The following PRKG1 variants were observed in gnomAD, a reference collection of about 807,000 sequenced individuals.
PRKG1 encodes the protein protein kinase cGMP-dependent 1.
In PRKG1, 35 loss-of-function variants were observed where a neutral mutation model predicts 88.1. The ratio of observed to expected loss-of-function variants is 0.40; its 90% CI spans 0.30 to 0.53. The LOEUF (loss-of-function observed/expected upper bound fraction) is 0.53, where lower values mean the gene tolerates loss of function less well. Ranked by LOEUF, PRKG1 falls within the 20% of genes least tolerant of loss-of-function variation. The pLI, the probability that PRKG1 is intolerant of heterozygous loss-of-function variation, is 0.59. For missense variants in PRKG1, 540 were observed against 839.8 expected (o/e 0.64, Z 4.41); for synonymous variants, 303 against 292.5 (o/e 1.04, Z -0.37).
chr10:51,108,979 T>C (rs1402027675), intron 1 of PRKG1, among the ~76,000 whole-genome samples: 1 of 152,124 alleles, frequency 6.6e-6, no homozygotes, highest in Non-Finnish European at 1.5e-5. Context: ...AATTGAAATA[T>C]ATCTCTTACA....
intron 7 of PRKG1, among the ~76,000 whole-genome samples, chr10:52,070,816 A>G (rs1393976884): frequency 1.3e-5 from 2 of 152,194 alleles, no homozygotes; most frequent in Non-Finnish European, 2.9e-5. Context: ...CTATTTTATA[A>G]AAGTAATTTT....
intron 3 of PRKG1, among the ~76,000 whole-genome samples, chr10:51,755,377 A>G (rs1271711759): frequency 6.6e-6 from 1 of 152,184 alleles, no homozygotes; most frequent in Non-Finnish European, 1.5e-5. Flanking sequence ...AAATCACTTG[A>G]AGCTGGAATG....
chr10:51,943,101 C>T (rs561277635), intron 5 of PRKG1, among the ~76,000 whole-genome samples: 24 of 152,034 alleles, frequency 1.6e-4, no homozygotes, highest in African/African-American at 5.6e-4. Flanking sequence ...AATGTTCTTC[C>T]ATTTGTTTGT....
intron 13 of PRKG1, among the ~76,000 whole-genome samples, chr10:52,281,889 A>G (rs1842009385): frequency 6.6e-6 from 1 of 152,124 alleles, no homozygotes; most frequent in South Asian, 2.1e-4. Flanking sequence ...AGAAAAAATG[A>G]AAACTATATT....
At chr10:51,674,282 C>T (rs1377689269) in intron 3 of PRKG1, among the ~76,000 whole-genome samples, 1 of 152,028 alleles carries the variant, frequency 6.6e-6, no homozygotes, top group Non-Finnish European at 1.5e-5. Context: ...CACCCATCAA[C>T]CTGTCATGTA....
At chr10:51,417,292 C>G (rs1312249332) in intron 2 of PRKG1, among the ~76,000 whole-genome samples, 1 of 152,168 alleles carries the variant, frequency 6.6e-6, no homozygotes, top group Non-Finnish European at 1.5e-5. Flanking sequence ...AGTATCCTTC[C>G]TCACTAGTTT....
chr10:52,033,329 G>A (rs746881135), intron 5 of PRKG1, among the ~76,000 whole-genome samples: 27 of 152,078 alleles, frequency 1.8e-4, no homozygotes, highest in Non-Finnish European at 7.4e-5. Flanking sequence ...TTGATAAAAC[G>A]TACCTGGTCA....
intron 1 of PRKG1, among the ~76,000 whole-genome samples, chr10:50,995,898 G>T (rs1205410331): frequency 6.6e-6 from 1 of 152,148 alleles, no homozygotes; most frequent in East Asian, 1.9e-4. Context: ...TTTCACTGGG[G>T]CATGGATGCC....
intron 9 of PRKG1, among the ~76,000 whole-genome samples, chr10:52,244,447 T>C (rs1459234829): frequency 6.6e-6 from 1 of 151,790 alleles, no homozygotes; most frequent in African/African-American, 2.4e-5. Flanking sequence ...TATTTTAGTG[T>C]CTAAGCTTAT....
intron 10 of PRKG1, 146 bp from the exon 11 acceptor site, chr10:52,271,204 G>A (rs16928684): frequency 2.6e-6 from 2 of 780,172 alleles, no homozygotes; most frequent in South Asian, 2.3e-5. Context: ...GATGTTAAAC[G>A]CAGCTCTACC....
chr10:51,192,126 C>A (rs963359336), intron 2 of PRKG1, among the ~76,000 whole-genome samples: 1 of 151,154 alleles, frequency 6.6e-6, no homozygotes, highest in Non-Finnish European at 1.5e-5. Context: ...ATCCCTCAAG[C>A]TATTGTACTT....
At position 51,592,609 on chromosome 10, in the gene PRKG1, C is replaced by A. The variant is rs528252111; in HGVS notation, c.592+124773C>A. On this transcript the variant is annotated intron_variant, in intron 3 of 17. Transcript: ENST00000373980. ...TGTCCCTAGGACTAGCCAAGAACAGCAGACACCATACATTCATAAATAGAT... is the reference window on the plus strand; with the variant it reads ...TGTCCCTAGGACTAGCCAAGAACAGAAGACACCATACATTCATAAATAGAT... Among the ~76,000 whole-genome samples, 4 of 152,184 alleles carry A rather than the reference C, an allele frequency of 2.6e-5. No homozygotes were observed. In the South Asian group the frequency reaches 6.2e-4, roughly 24 times the overall value.
At chr10:51,853,497 AT>A (rs1840607983) in intron 4 of PRKG1, among the ~76,000 whole-genome samples, 1 of 152,176 alleles carries the variant, frequency 6.6e-6, no homozygotes. Context: ...GTGGAGGAGT[AT>A]ATTTTATAAC....
At chr10:51,068,030 A>C (rs1166466767) in intron 1 of PRKG1, among the ~76,000 whole-genome samples, 1 of 152,096 alleles carries the variant, frequency 6.6e-6, no homozygotes, top group Non-Finnish European at 1.5e-5. Flanking sequence ...AGTTAGTTAC[A>C]AATACATAGT....
rs540647187 is a variant in PRKG1 at position 51,995,002 on chromosome 10, C to T, written c.763-59482C>T. ...TGGATACATCAGCTCATTGAATCTT[C>T]ACAGCAACACTGGAAGATAGTTGCT... is the stretch of plus-strand genomic sequence containing the variant. On this transcript the variant is annotated intron_variant, in intron 5 of 17. Transcript: ENST00000373980. Among the ~76,000 whole-genome samples the T allele has an allele frequency of 3.5e-4, 53 of 152,176 alleles. 1 individual carries two copies. Among genetic ancestry groups the T allele is most frequent in the Middle Eastern group, 3.4e-3 (1 of 294 alleles).
At chr10:51,764,860 C>T (rs1838116878) in intron 3 of PRKG1, among the ~76,000 whole-genome samples, 2 of 152,116 alleles carry the variant, frequency 1.3e-5, no homozygotes, top group Non-Finnish European at 2.9e-5. Context: ...GATTAGTGCT[C>T]TTATCAAATA....
intron 2 of PRKG1, among the ~76,000 whole-genome samples, chr10:51,423,423 T>G (rs1838476683): frequency 6.6e-6 from 1 of 152,204 alleles, no homozygotes. Context: ...TTGTTCCTCC[T>G]TTTTCCAAAA....
At chr10:52,243,809 C>T (rs911434556) in intron 9 of PRKG1, among the ~76,000 whole-genome samples, 4 of 152,118 alleles carry the variant, frequency 2.6e-5, no homozygotes, top group Non-Finnish European at 5.9e-5. Context: ...ATTTGCATTA[C>T]TATCATTCTT....
chr10:52,121,368 A>G (rs1314566105), intron 7 of PRKG1, among the ~76,000 whole-genome samples: 2 of 152,182 alleles, frequency 1.3e-5, no homozygotes, highest in Non-Finnish European at 2.9e-5. Context: ...TCGCTTGACC[A>G]CACGGTTAGT....
Sources: allele counts gnomAD v4.1 joint callset (sites outside exome capture counted in the v4.1 genomes callset), GRCh38; gene constraint gnomAD v4.1.1; transcripts MANE v1.5; gene names NCBI Gene and HGNC (gene_info 2026-07-23, HGNC 2026-07-21).